Variants in SYT16 observed in about 807,000 individuals in gnomAD.
SYT16 encodes synaptotagmin 16.
SYT16 carries 42 observed loss-of-function variants against 61.4 expected under a neutral mutation model. The observed-to-expected ratio is 0.68, with a 90% CI of 0.53 to 0.89. The LOEUF is 0.89. Among genes scored for constraint, SYT16 ranks in the 40% least tolerant of loss-of-function variants. The pLI, the probability that SYT16 is intolerant of heterozygous loss-of-function variation, is 0.00. For synonymous variants in SYT16, 314 were observed against 302.3 expected (o/e 1.04, Z -0.40); for missense variants, 804 against 807.3 (o/e 1.00, Z 0.05).
At chr14:62,011,995 G>C (rs2053486970) in intron 3 of SYT16, among the ~76,000 whole-genome samples, 2 of 114,622 alleles carry the variant, frequency 1.7e-5, no homozygotes, top group South Asian at 2.9e-4. Context: ...CTTTTCTCCT[G>C]CATGTTAAAA....
intron 1 of SYT16, among the ~76,000 whole-genome samples, chr14:61,862,817 C>T (rs73256492): frequency 0.14 from 20,843 of 152,218 alleles, 1,588 homozygotes; most frequent in African/African-American, 0.2. Flanking sequence ...GATATTTTTA[C>T]TGTCTCCACA....
intron 1 of SYT16, among the ~76,000 whole-genome samples, chr14:61,834,905 A>G (rs1005460189): frequency 4.6e-5 from 7 of 152,242 alleles, no homozygotes; most frequent in Non-Finnish European, 1.0e-4. Context: ...ATATGATGGT[A>G]TATAGCATAG....
chr14:62,047,063 A>G (rs1031185593), intron 3 of SYT16, among the ~76,000 whole-genome samples: 2 of 152,190 alleles, frequency 1.3e-5, no homozygotes, highest in Admixed American at 6.5e-5. Flanking sequence ...CATTTTCACA[A>G]TATTGATTCT....
intron 1 of SYT16, among the ~76,000 whole-genome samples, chr14:61,837,753 T>G (rs2046177498): frequency 6.6e-6 from 1 of 152,234 alleles, no homozygotes; most frequent in Admixed American, 6.5e-5. Flanking sequence ...ACGCCTTGGA[T>G]GCTATGCTTC....
chr14:61,986,797 A>G (rs2052335844), intron 2 of SYT16, among the ~76,000 whole-genome samples: 1 of 152,244 alleles, frequency 6.6e-6, no homozygotes, highest in Non-Finnish European at 1.5e-5. Context: ...AAAATGTGTT[A>G]AAATGTTAAC....
chr14:62,081,147 G>A lies in SYT16; in HGVS notation c.1307G>A (p.Arg436His), dbSNP rs368814141. 2.4e-5 allele frequency: 39 copies of A among 1,613,914 alleles called. No individual in the cohort carries two copies. Among genetic ancestry groups the A allele is most frequent in the South Asian group, 9.9e-5 (9 of 91,044 alleles). ...GTGGCTGCCTGTGCTGTCCGCTTCCGCCTGTACGCTGCCCGGAAGATGACC... is the reference window on the plus strand; with the variant it reads ...GTGGCTGCCTGTGCTGTCCGCTTCCACCTGTACGCTGCCCGGAAGATGACC... ...RDVAACAVRF[R>H]LYAARKMTRE... is the part of the protein sequence containing the mutation. Residue 436 changes from arginine to histidine, a missense_variant, in exon 6 of 8, where the codon CGC (arginine) becomes CAC (histidine). Coordinates refer to ENST00000683842, the MANE Select transcript of SYT16 (RefSeq NM_001367656.1).
intron 7 of SYT16, among the ~76,000 whole-genome samples, chr14:62,085,563 G>C (rs947337881): frequency 1.3e-5 from 2 of 152,170 alleles, no homozygotes; most frequent in African/African-American, 4.8e-5. Flanking sequence ...AGCACCACTG[G>C]AAAAGAGTCA....
chr14:61,934,448 A>T (rs1305032672), intron 1 of SYT16, among the ~76,000 whole-genome samples: 1 of 152,234 alleles, frequency 6.6e-6, no homozygotes, highest in African/African-American at 2.4e-5. Context: ...GTAAATCCTA[A>T]ACTGACATGT....
At chr14:61,997,488 A>G (rs972323572) in intron 3 of SYT16, among the ~76,000 whole-genome samples, 9 of 152,052 alleles carry the variant, frequency 5.9e-5, no homozygotes, top group African/African-American at 2.4e-5. Context: ...CTTTTTAGGG[A>G]AAAGTTTTAT....
chr14:62,029,438 C>T (rs774538236), intron 3 of SYT16, among the ~76,000 whole-genome samples: 1 of 152,178 alleles, frequency 6.6e-6, no homozygotes, highest in Non-Finnish European at 1.5e-5. Context: ...CCTGCTTGAG[C>T]GAATAGCGGT....
intron 3 of SYT16, among the ~76,000 whole-genome samples, chr14:62,053,718 C>A (rs2055413242): frequency 6.6e-6 from 1 of 152,048 alleles, no homozygotes; most frequent in Non-Finnish European, 1.5e-5. Flanking sequence ...GGAGTCACGA[C>A]TACATAAACC....
intron 3 of SYT16, among the ~76,000 whole-genome samples, chr14:62,057,422 C>T (rs2055613940): frequency 6.6e-6 from 1 of 152,006 alleles, no homozygotes; most frequent in Non-Finnish European, 1.5e-5. Flanking sequence ...GGAAGAGGGT[C>T]CAATAACTAG....
At chr14:61,887,337 A>C (rs1248104821) in intron 1 of SYT16, among the ~76,000 whole-genome samples, 1 of 152,216 alleles carries the variant, frequency 6.6e-6, no homozygotes, top group East Asian at 1.9e-4. Flanking sequence ...GGCAGAGTAC[A>C]CTGAGCATAG....
chr14:62,057,851 G>A (rs1307542359), intron 3 of SYT16, among the ~76,000 whole-genome samples: 2 of 152,042 alleles, frequency 1.3e-5, no homozygotes, highest in African/African-American at 4.8e-5. Flanking sequence ...TTGACATATT[G>A]TACTTGTGAA....
intron 7 of SYT16, among the ~76,000 whole-genome samples, chr14:62,094,932 G>T (rs1047849149): frequency 1.3e-5 from 2 of 151,896 alleles, no homozygotes; most frequent in Non-Finnish European, 2.9e-5. Context: ...ATTTTCCATT[G>T]TCATCTTCTA....
At chr14:62,038,181 G>T (rs936444599) in intron 3 of SYT16, among the ~76,000 whole-genome samples, 2 of 151,768 alleles carry the variant, frequency 1.3e-5, no homozygotes, top group South Asian at 2.1e-4. Flanking sequence ...ATCTCTGATG[G>T]ATTTTGCTGC....
chr14:61,826,344 C>T (rs1195911154), intron 1 of SYT16, among the ~76,000 whole-genome samples: 1 of 152,222 alleles, frequency 6.6e-6, no homozygotes, highest in African/African-American at 2.4e-5. Context: ...GAACTCCACA[C>T]AGACAGTGGC....
chr14:61,867,555 G>A (rs2047198659), intron 1 of SYT16, among the ~76,000 whole-genome samples: 1 of 151,982 alleles, frequency 6.6e-6, no homozygotes, highest in Non-Finnish European at 1.5e-5. Context: ...CTAACAAGAT[G>A]CAAGGGAAAA....
At chr14:62,052,300 T>G (rs1249389117) in intron 3 of SYT16, among the ~76,000 whole-genome samples, 5 of 152,224 alleles carry the variant, frequency 3.3e-5, no homozygotes, top group Non-Finnish European at 7.3e-5. Context: ...AAATATTTTA[T>G]CATTCCAATT....
Sources: allele counts gnomAD v4.1 joint callset (sites outside exome capture counted in the v4.1 genomes callset), GRCh38; gene constraint gnomAD v4.1.1; transcripts MANE v1.5; gene names NCBI Gene and HGNC (gene_info 2026-07-23, HGNC 2026-07-21).